SLC35F3: variants seen among roughly 807,000 people sequenced by gnomAD.
SLC35F3 encodes solute carrier family 35 member F3.
Under a neutral mutation model 49.9 loss-of-function variants are expected in SLC35F3, and 25 were observed. The ratio of observed to expected loss-of-function variants is 0.50; its 90% confidence interval spans 0.37 to 0.70. The LOEUF (loss-of-function observed/expected upper bound fraction) is 0.70, where lower values mean the gene tolerates loss of function less well. Ranked by LOEUF, SLC35F3 falls within the 30% of genes least tolerant of loss-of-function variation. The pLI is 0.00. For synonymous variants in SLC35F3, 275 were observed against 265.4 expected (o/e 1.04, Z -0.35); for missense variants, 525 against 639.8 (o/e 0.82, Z 1.94).
intron 2 of SLC35F3, among the ~76,000 whole-genome samples, chr1:234,173,329 A>T (rs1283517706): frequency 6.6e-6 from 1 of 152,216 alleles, no homozygotes; most frequent in Non-Finnish European, 1.5e-5. Context: ...AAGCCCTGAA[A>T]GGTAGACACT....
intron 2 of SLC35F3, among the ~76,000 whole-genome samples, chr1:234,095,473 C>T (rs1665102229): frequency 6.6e-6 from 1 of 152,142 alleles, no homozygotes; most frequent in Non-Finnish European, 1.5e-5. Context: ...GGGATGGATT[C>T]GAAGTCAAGA....
intron 2 of SLC35F3, among the ~76,000 whole-genome samples, chr1:234,061,999 A>G (rs1391523624): frequency 6.6e-6 from 1 of 152,146 alleles, no homozygotes; most frequent in East Asian, 1.9e-4. Context: ...TTTTGGAGGT[A>G]TGGGTCACAA....
chr1:234,148,212 G>A (rs1043245371), intron 2 of SLC35F3, among the ~76,000 whole-genome samples: 4 of 152,244 alleles, frequency 2.6e-5, no homozygotes, highest in Admixed American at 2.6e-4. Context: ...GAAAAGGCAA[G>A]AGCAGGGAGA....
rs149597390 is a variant in SLC35F3, at chr1:234,320,163, G to A, written c.1213G>A (p.Val405Ile). ...TCCCACTCTGATGTCTCTTGGAATC[G>A]TCCTCAGCATACCTGTGAATGCAGG... ...TYPTLMSLGI[V>I]LSIPVNAVID... Residue 405 changes from valine (V) to isoleucine (I), a missense_variant, in exon 7 of 8, where the codon GTC becomes ATC. Physicochemically the swap from Val to Ile is conservative, Grantham distance 29 (BLOSUM62 3). This residue lies in a region of SLC35F3 where 5 missense variants were observed against 27.2 expected (regional missense o/e 0.18). Transcript: ENST00000366618. The surrounding 1 kb of genome is among the most constrained non-coding windows in gnomAD (Gnocchi z 4.8). 94 of 1,613,648 alleles carry A rather than the reference G, an allele frequency of 5.8e-5. No individual in the cohort carries two copies. Among genetic ancestry groups the A allele is most frequent in the Admixed American group, 3.8e-4 (23 of 60,000 alleles).
At chr1:234,306,859 T>C (rs1364492951) in intron 3 of SLC35F3, among the ~76,000 whole-genome samples, 1 of 152,198 alleles carries the variant, frequency 6.6e-6, no homozygotes, top group Non-Finnish European at 1.5e-5. Context: ...GGATGGCCCC[T>C]TCCAGAAGAT....
Position 234,323,900 on chromosome 1 carries a change from C to G in SLC35F3, c.*657C>G, listed in dbSNP as rs1657693628. The G allele has an allele frequency of 6.6e-6, 1 of 152,398 alleles. No individual in the cohort carries two copies. Among genetic ancestry groups the G allele is most frequent in the Admixed American group, 6.5e-5 (1 of 15,314 alleles). The allele number at this position is 152,398 out of a possible 1,614,324, so 9.4% of individuals were successfully genotyped here. On this transcript the variant is annotated 3_prime_UTR_variant, in exon 8 of 8. Transcript: ENST00000366618. The surrounding 1 kb of genome is among the most constrained non-coding windows in gnomAD (Gnocchi z 4.5). Reference sequence around the variant, plus strand: ...TCTCACGTGTCTGTGTAAGATCATGCAAGAGAAATCACAGTGCCTTCTACA... The same window carrying G: ...TCTCACGTGTCTGTGTAAGATCATGGAAGAGAAATCACAGTGCCTTCTACA...
chr1:233,925,929 ATTCTT>A (rs1324002243), intron 2 of SLC35F3, among the ~76,000 whole-genome samples: 1 of 152,120 alleles, frequency 6.6e-6, no homozygotes, highest in East Asian at 1.9e-4. Flanking sequence ...TGGGTTGAAA[ATTCTT>A]TTCTTTAAGA....
intron 3 of SLC35F3, among the ~76,000 whole-genome samples, chr1:234,259,385 G>A (rs1259874900): frequency 6.6e-6 from 1 of 152,116 alleles, no homozygotes; most frequent in Non-Finnish European, 1.5e-5. Context: ...AAGAAATAGG[G>A]TTTTTATTCA....
chr1:234,154,538 G>GT (rs1368788857), intron 2 of SLC35F3, among the ~76,000 whole-genome samples: 1 of 152,112 alleles, frequency 6.6e-6, no homozygotes, highest in African/African-American at 2.4e-5. Flanking sequence ...GATGAGCCTG[G>GT]GATCTCTTAT....
chr1:234,122,665 T>C (rs1245126311), intron 2 of SLC35F3, among the ~76,000 whole-genome samples: 1 of 152,190 alleles, frequency 6.6e-6, no homozygotes, highest in Admixed American at 6.5e-5. Flanking sequence ...TTCCCCTCTC[T>C]GTGTCCATGT....
intron 2 of SLC35F3, among the ~76,000 whole-genome samples, chr1:233,912,400 C>A (rs1218463589): frequency 6.6e-6 from 1 of 152,074 alleles, no homozygotes; most frequent in Non-Finnish European, 1.5e-5. Context: ...TTGCTTGAAT[C>A]CGGGAGGCGG....
intron 2 of SLC35F3, among the ~76,000 whole-genome samples, chr1:234,010,060 A>G (rs1663692082): frequency 6.6e-6 from 1 of 152,238 alleles, no homozygotes; most frequent in African/African-American, 2.4e-5. Context: ...TAAGTAATAT[A>G]AAGTCATATT....
intron 2 of SLC35F3, among the ~76,000 whole-genome samples, chr1:234,175,737 C>G (rs1404533543): frequency 1.3e-5 from 2 of 150,904 alleles, no homozygotes; most frequent in African/African-American, 2.4e-5. Context: ...GGTTTCTAGA[C>G]AGCAAAGACC....
chr1:234,112,074 C>A (rs1273426407), intron 2 of SLC35F3, among the ~76,000 whole-genome samples: 2 of 152,198 alleles, frequency 1.3e-5, no homozygotes, highest in African/African-American at 4.8e-5. Flanking sequence ...GGTGCAGTGG[C>A]TCATGCCTGT....
chr1:233,996,908 A>AAAT (rs1475175057), intron 2 of SLC35F3, among the ~76,000 whole-genome samples: 3 of 151,328 alleles, frequency 2.0e-5, no homozygotes, highest in African/African-American at 7.4e-5. Flanking sequence ...ATATTGGGTG[A>AAAT]CCCTGTGACC....
At chr1:234,083,297 G>A (rs986493158) in intron 2 of SLC35F3, among the ~76,000 whole-genome samples, 1 of 152,238 alleles carries the variant, frequency 6.6e-6, no homozygotes, top group Non-Finnish European at 1.5e-5. Context: ...GATCAGGTCA[G>A]AGTATTCTGG....
At chr1:234,168,530 C>T (rs1212638490) in intron 2 of SLC35F3, among the ~76,000 whole-genome samples, 1 of 152,242 alleles carries the variant, frequency 6.6e-6, no homozygotes, top group African/African-American at 2.4e-5. Flanking sequence ...TCCGGGCCGC[C>T]GTTCCAAGTT....
At chr1:233,963,302 T>C (rs1571999394) in intron 2 of SLC35F3, among the ~76,000 whole-genome samples, 1 of 151,516 alleles carries the variant, frequency 6.6e-6, no homozygotes, top group South Asian at 2.1e-4. Flanking sequence ...TTCTTTCTTT[T>C]TTTTTTTTCT....
chr1:234,226,646 A>G (rs1667289799), intron 2 of SLC35F3, among the ~76,000 whole-genome samples: 1 of 151,544 alleles, frequency 6.6e-6, no homozygotes, highest in African/African-American at 2.4e-5. Context: ...TACCCGAATG[A>G]GTTGGTAGCT....
Sources: allele counts gnomAD v4.1 joint callset (sites outside exome capture counted in the v4.1 genomes callset), GRCh38; gene constraint gnomAD v4.1.1; regional missense constraint gnomAD v4.1.1; non-coding constraint Gnocchi (gnomAD v3.1); transcripts MANE v1.5; gene names NCBI Gene and HGNC (gene_info 2026-07-23, HGNC 2026-07-21).